Variants in DHRSX observed in about 807,000 individuals in gnomAD.
DHRSX encodes polyprenol dehydrogenase.
DHRSX carries 31 observed loss-of-function variants against 34.0 expected under a neutral mutation model. The observed-to-expected ratio is 0.91, with a 90% CI of 0.69 to 1.23. DHRSX has a LOEUF of 1.23. Among genes scored for constraint, DHRSX ranks in the 50% most tolerant of loss-of-function variants. DHRSX has a pLI of 0.00. For missense variants in DHRSX, 414 were observed against 428.1 expected, an observed-to-expected ratio of 0.97 and a Z score of 0.29; for synonymous variants, 201 against 183.8, an observed-to-expected ratio of 1.09 and a Z score of -0.76.
At chrX:2,236,361 C>T (rs2016015562) in intron 6 of DHRSX, among the ~76,000 whole-genome samples, 1 of 152,142 alleles carries the variant, frequency 6.6e-6, no homozygotes, top group South Asian at 2.1e-4. Context: ...GAGGAAACAG[C>T]CAGGGCTGAG....
At chrX:2,433,806 G>A (rs1456394042) in intron 1 of DHRSX, among the ~76,000 whole-genome samples, 4 of 151,994 alleles carry the variant, frequency 2.6e-5, no homozygotes, top group African/African-American at 4.8e-5. Context: ...ATGGAGTCTC[G>A]CTCTGTCGCC....
chrX:2,333,237 GTCA>G (rs2042504392), intron 3 of DHRSX, among the ~76,000 whole-genome samples: 9 of 152,140 alleles, frequency 5.9e-5, no homozygotes, highest in Admixed American at 5.2e-4. Flanking sequence ...ACGTTTTTGA[GTCA>G]TCATAACACA....
intron 3 of DHRSX, among the ~76,000 whole-genome samples, chrX:2,331,435 GGTTTTTTTTT>G (rs1482812331): frequency 3.5e-5 from 2 of 57,888 alleles, no homozygotes; most frequent in African/African-American, 7.2e-5. Context: ...AAGGTTTTTT[GGTTTTTTTTT>G]TTTTTTTTTT....
chrX:2,308,904 G>GAAGA (rs2042132163), intron 3 of DHRSX, among the ~76,000 whole-genome samples: 2 of 151,076 alleles, frequency 1.3e-5, no homozygotes, highest in Non-Finnish European at 2.9e-5. Flanking sequence ...AAGGAAGAAG[G>GAAGA]AGAAACAAGG....
chrX:2,405,997 T>C (rs917798055), intron 3 of DHRSX, among the ~76,000 whole-genome samples: 2 of 151,132 alleles, frequency 1.3e-5, no homozygotes, highest in East Asian at 2.0e-4. Flanking sequence ...AAGGTGCTTA[T>C]AGGAAAAGGT....
chrX:2,391,356 G>T (rs1215602858), intron 3 of DHRSX, among the ~76,000 whole-genome samples: 2 of 152,132 alleles, frequency 1.3e-5, no homozygotes, highest in Non-Finnish European at 2.9e-5. Flanking sequence ...GAATACAAGT[G>T]ACCTGCCCTC....
chrX:2,369,737 C>G (rs1355804343), intron 3 of DHRSX, among the ~76,000 whole-genome samples: 1 of 152,122 alleles, frequency 6.6e-6, no homozygotes, highest in Admixed American at 6.5e-5. Flanking sequence ...CACCTGACCT[C>G]AAGTAATCCA....
intron 3 of DHRSX, among the ~76,000 whole-genome samples, chrX:2,386,094 C>G (rs1373834675): frequency 6.6e-6 from 1 of 152,030 alleles, no homozygotes; most frequent in Non-Finnish European, 1.5e-5. Flanking sequence ...CCAGGGTCAA[C>G]AGTTTCCAGA....
At chrX:2,342,568 T>A (rs888950567) in intron 3 of DHRSX, among the ~76,000 whole-genome samples, 14 of 152,156 alleles carry the variant, frequency 9.2e-5, no homozygotes, top group Admixed American at 1.3e-4. Flanking sequence ...ACCCCGCAGA[T>A]GACAAGCATG....
intron 3 of DHRSX, among the ~76,000 whole-genome samples, chrX:2,309,528 G>A (rs2042139044): frequency 1.3e-5 from 2 of 151,892 alleles, no homozygotes; most frequent in Admixed American, 1.3e-4. Flanking sequence ...TATTATTAAA[G>A]AGCTCCTAGA....
At chrX:2,394,448 C>G (rs1048562844) in intron 3 of DHRSX, among the ~76,000 whole-genome samples, 8 of 152,024 alleles carry the variant, frequency 5.3e-5, no homozygotes, top group African/African-American at 9.7e-5. Context: ...TGAGGATAGC[C>G]GGTTAGAGCT....
chrX:2,409,501 C>T (rs1411347106), intron 2 of DHRSX, among the ~76,000 whole-genome samples: 9 of 152,078 alleles, frequency 5.9e-5, no homozygotes, highest in Non-Finnish European at 1.2e-4. Flanking sequence ...GTTCAACTCC[C>T]ACTTATGAAG....
At chrX:2,266,527 A>AGG (rs2041475809) in intron 5 of DHRSX, among the ~76,000 whole-genome samples, 1 of 150,902 alleles carries the variant, frequency 6.6e-6, no homozygotes, top group African/African-American at 2.4e-5. Flanking sequence ...TGCTCGGCAG[A>AGG]TGCAGGGAGC....
In DHRSX at chrX:2,456,222, T is replaced by C. The variant is rs147375775; in HGVS notation, c.110-30918A>G. Among the ~76,000 whole-genome samples the C allele has an allele frequency of 4.7e-3, 713 of 152,238 alleles. 7 individuals are homozygous for C. The highest frequency in any genetic ancestry group is 0.016 in the African/African-American group (672 of 41,536). ...AAACCAGAACAAGAGACAGGAATAT[T>C]ATAACAGGGACAAAGTCGACACCAC... On this transcript the variant is annotated intron_variant, in intron 1 of 6. Transcript: ENST00000334651.
At chrX:2,349,858 GA>G (rs1247633362) in intron 3 of DHRSX, among the ~76,000 whole-genome samples, 4 of 148,144 alleles carry the variant, frequency 2.7e-5, no homozygotes, top group South Asian at 2.2e-4. Context: ...CTAACAGGGT[GA>G]AACCCCGTTT....
intron 4 of DHRSX, among the ~76,000 whole-genome samples, chrX:2,282,558 G>C (rs777122975): frequency 2.4e-4 from 29 of 118,648 alleles, no homozygotes; most frequent in African/African-American, 7.3e-4. Flanking sequence ...GAGGGAGGGT[G>C]TGCGAGAGGG....
chrX:2,340,594 C>G (rs1483893715), intron 3 of DHRSX, among the ~76,000 whole-genome samples: 1 of 152,026 alleles, frequency 6.6e-6, no homozygotes, highest in Admixed American at 6.6e-5. Flanking sequence ...TTGACCCACA[C>G]CTAGGAAATG....
At chrX:2,489,276 G>A (rs1488451050) in intron 1 of DHRSX, 2 of 1,613,970 alleles carry the variant, frequency 1.2e-6, no homozygotes, top group Non-Finnish European at 1.7e-6. Flanking sequence ...AGGAAGGGCA[G>A]CCTCTTGTAG....
In DHRSX at chrX:2,231,900, T is replaced by C. The variant is rs1004661145; in HGVS notation, c.805-10671A>G. ...CCAACTTCTTCCTCCTCCTCCTCTTTCTCTTATCTTCTTCTTTTCCTCTAT... is the reference window on the plus strand; with the variant it reads ...CCAACTTCTTCCTCCTCCTCCTCTTCCTCTTATCTTCTTCTTTTCCTCTAT... On this transcript the variant is annotated intron_variant, in intron 6 of 6. Coordinates refer to ENST00000334651, the MANE Select transcript of DHRSX (RefSeq NM_145177.3). Among the ~76,000 whole-genome samples the C allele has an allele frequency of 2.0e-5, 3 of 150,290 alleles. No individual in the cohort carries two copies. In the Admixed American group the frequency reaches 2.0e-4, roughly 10 times the overall value.
Sources: gnomAD v4.1 joint callset for allele counts (sites outside exome capture counted in the v4.1 genomes callset) on GRCh38, gnomAD v4.1.1 for gene constraint, MANE v1.5 for transcripts, NCBI Gene and HGNC (gene_info 2026-07-23, HGNC 2026-07-21) for gene names.